The following ASH1L variants were observed in gnomAD, a reference collection of about 807,000 sequenced individuals.
ASH1L encodes ASH1 like histone lysine methyltransferase.
Under a neutral mutation model 269.0 loss-of-function variants are expected in ASH1L, and 23 were observed. The ratio of observed to expected loss-of-function variants is 0.09; its 90% CI spans 0.06 to 0.12. The LOEUF is 0.12. Ranked by LOEUF, ASH1L falls within the 10% of genes least tolerant of loss-of-function variation. The pLI is 1.00. For missense variants in ASH1L, 2,912 were observed against 3,567.8 expected, an observed-to-expected ratio of 0.82 and a Z score of 4.68; for synonymous variants, 1,187 against 1,253.5, an observed-to-expected ratio of 0.95 and a Z score of 1.12.
At chr1:155,409,982 A>C (rs1659633585) in intron 6 of ASH1L, among the ~76,000 whole-genome samples, 1 of 151,912 alleles carries the variant, frequency 6.6e-6, no homozygotes, top group South Asian at 2.1e-4. Flanking sequence ...CCTGGCCAAT[A>C]TGTGAAACCC....
rs140120092 is a variant in ASH1L, at chr1:155,467,364, C to T, written c.4985-7466G>A. Among the ~76,000 whole-genome samples the T allele has an allele frequency of 1.9e-3, 286 of 152,254 alleles. 2 individuals are homozygous for T. The highest frequency in any genetic ancestry group is 6.8e-3 in the Middle Eastern group (2 of 294). ...ATTGGGAGAAACCAGGAAACCTGGC[C>T]TTACTTAAGTGTGTAATTTTACTGT... is the stretch of plus-strand genomic sequence containing the variant. On this transcript the variant is annotated intron_variant, in intron 3 of 27. Transcript: ENST00000392403.
chr1:155,433,753 G>C, intron 5 of ASH1L: 2 of 1,604,242 alleles, frequency 1.2e-6, no homozygotes, highest in Non-Finnish European at 1.7e-6. Flanking sequence ...AGGGTCTGCA[G>C]CTTAGCTTCA....
intron 5 of ASH1L, among the ~76,000 whole-genome samples, chr1:155,429,743 T>C (rs537606995): frequency 3.3e-5 from 5 of 152,182 alleles, no homozygotes; most frequent in Admixed American, 1.3e-4. Flanking sequence ...TGAATATTTA[T>C]ATGGGTACGA....
intron 1 of ASH1L, among the ~76,000 whole-genome samples, chr1:155,530,541 C>T (rs1429597286): frequency 1.3e-5 from 2 of 148,938 alleles, no homozygotes; most frequent in Admixed American, 1.4e-4. Context: ...GCCTGGCCAA[C>T]ATGGTGAAAC....
intron 6 of ASH1L, among the ~76,000 whole-genome samples, chr1:155,411,008 G>T (rs1289695452): frequency 6.6e-6 from 1 of 152,160 alleles, no homozygotes; most frequent in African/African-American, 2.4e-5. Context: ...GAACCCTAAA[G>T]TAACTACGGA....
chr1:155,368,222 C>T (rs1396620292), intron 12 of ASH1L, among the ~76,000 whole-genome samples: 1 of 152,048 alleles, frequency 6.6e-6, no homozygotes, highest in Non-Finnish European at 1.5e-5. Flanking sequence ...GTCTTGAACT[C>T]CTGGGCTCAA....
At chr1:155,396,512 A>C (rs1172603767) in intron 6 of ASH1L, 1 of 151,454 alleles carries the variant, frequency 6.6e-6, no homozygotes, top group Non-Finnish European at 1.5e-5. Flanking sequence ...ATGGGGTTTC[A>C]CCATGTTGGT....
chr1:155,439,063 C>G lies in ASH1L; in HGVS notation c.5092G>C (p.Gly1698Arg), dbSNP rs765286358. ...AATCTTGGACTTCGAGAGGGAACTCCGTTTACTGAAAGAGACAATAAATCA... is the reference window on the plus strand; with the variant it reads ...AATCTTGGACTTCGAGAGGGAACTCGGTTTACTGAAAGAGACAATAAATCA... ...SSESTSSTVN[G>R]VPSRSPRLVA... Residue 1698 changes from glycine to arginine, a missense_variant, in exon 5 of 28, where the codon GGA (glycine) becomes CGA (arginine). Gly to Arg is a moderately radical substitution (Grantham distance 125). This residue lies in a region of ASH1L where 789 missense variants were observed against 897.6 expected (regional missense o/e 0.88). Coordinates refer to ENST00000392403, the MANE Select transcript of ASH1L (RefSeq NM_018489.3). The G allele has an allele frequency of 1.3e-6, 2 of 1,599,004 alleles. No homozygotes were observed. The highest frequency in any genetic ancestry group is 2.7e-5 in the African/African-American group (2 of 74,190).
chr1:155,515,101 C>T (rs186261508), intron 2 of ASH1L, among the ~76,000 whole-genome samples: 1 of 152,230 alleles, frequency 6.6e-6, no homozygotes. Flanking sequence ...GCCAGCGAAA[C>T]CATTACACCT....
intron 10 of ASH1L, among the ~76,000 whole-genome samples, chr1:155,371,801 C>G (rs1405199327): frequency 6.7e-6 from 1 of 149,822 alleles, no homozygotes; most frequent in Non-Finnish European, 1.5e-5. Context: ...TCAAGAGATT[C>G]TCCTGCCTCA....
chr1:155,539,286 T>C (rs896936412), intron 1 of ASH1L, among the ~76,000 whole-genome samples: 8 of 151,568 alleles, frequency 5.3e-5, no homozygotes, highest in Middle Eastern at 3.2e-3. Context: ...ACATAAATAA[T>C]CTGTGATTAC....
At chr1:155,453,736 C>T (rs1329382428) in intron 4 of ASH1L, among the ~76,000 whole-genome samples, 1 of 151,840 alleles carries the variant, frequency 6.6e-6, no homozygotes, top group African/African-American at 2.4e-5. Context: ...GAGGCAGAGG[C>T]TTCAGTAAGC....
chr1:155,444,567 G>C (rs1434991423), intron 4 of ASH1L, among the ~76,000 whole-genome samples: 1 of 151,872 alleles, frequency 6.6e-6, no homozygotes, highest in Non-Finnish European at 1.5e-5. Context: ...TATTTTTATT[G>C]GGTTCTTTTA....
At chr1:155,346,176 C>G (rs961027522) in intron 21 of ASH1L, 1 of 1,472,852 alleles carries the variant, frequency 6.8e-7, no homozygotes, top group Non-Finnish European at 9.1e-7. Context: ...CCACAGATTT[C>G]TAAGTATTTT....
chr1:155,391,962 A>T (rs1657962766), intron 7 of ASH1L, among the ~76,000 whole-genome samples: 1 of 152,168 alleles, frequency 6.6e-6, no homozygotes, highest in Non-Finnish European at 1.5e-5. Context: ...TCTCAAAAAA[A>T]TAGAAATAAA....
At chr1:155,541,475 TTA>T (rs1670424290) in intron 1 of ASH1L, among the ~76,000 whole-genome samples, 2 of 152,180 alleles carry the variant, frequency 1.3e-5, no homozygotes, top group South Asian at 2.1e-4. Flanking sequence ...GTCACTAATA[TTA>T]TATAAGTCAC....
At chr1:155,401,958 C>T (rs1394422749) in intron 6 of ASH1L, among the ~76,000 whole-genome samples, 1 of 151,808 alleles carries the variant, frequency 6.6e-6, no homozygotes, top group Non-Finnish European at 1.5e-5. Context: ...GGCGTGGTGG[C>T]AGGCGCCTGT....
intron 2 of ASH1L, among the ~76,000 whole-genome samples, chr1:155,492,832 T>C (rs1666897724): frequency 6.6e-6 from 1 of 152,088 alleles, no homozygotes; most frequent in Non-Finnish European, 1.5e-5. Context: ...AAATTCACCT[T>C]GTTTTTGTTT....
At chr1:155,434,179 G>T in intron 5 of ASH1L, 1 of 1,593,428 alleles carries the variant, frequency 6.3e-7, no homozygotes, top group Non-Finnish European at 8.5e-7. Context: ...TCACTGCACT[G>T]TACTCCTCGG....
Sources: allele counts gnomAD v4.1 joint callset (sites outside exome capture counted in the v4.1 genomes callset), GRCh38; gene constraint gnomAD v4.1.1; regional missense constraint gnomAD v4.1.1; transcripts MANE v1.5; gene names NCBI Gene and HGNC (gene_info 2026-07-23, HGNC 2026-07-21).